Variants in TLL1 observed in about 807,000 individuals in gnomAD.
TLL1 encodes tolloid-like protein 1.
In TLL1, 49 loss-of-function variants were observed where a neutral mutation model predicts 128.2. The ratio of observed to expected loss-of-function variants is 0.38; its 90% CI spans 0.30 to 0.48. TLL1 has a LOEUF of 0.48. Among genes scored for constraint, TLL1 ranks in the 20% least tolerant of loss-of-function variants. The probability of loss-of-function intolerance (pLI) is 0.96; values close to 1 mark genes in which losing one functional copy is unlikely to be tolerated. For synonymous variants in TLL1, 454 were observed against 418.8 expected, an observed-to-expected ratio of 1.08 and a Z score of -1.03; for missense variants, 1,123 against 1,242.0, an observed-to-expected ratio of 0.90 and a Z score of 1.44.
intron 5 of TLL1, among the ~76,000 whole-genome samples, chr4:165,997,870 C>G (rs11939906): frequency 6.6e-6 from 1 of 152,126 alleles, no homozygotes; most frequent in African/African-American, 2.4e-5. Context: ...TATATGATCT[C>G]TTTGATTCAT....
chr4:165,895,933 CT>C (rs1041108420), intron 1 of TLL1, among the ~76,000 whole-genome samples: 2 of 151,924 alleles, frequency 1.3e-5, no homozygotes, highest in Admixed American at 6.6e-5. Flanking sequence ...AAAGTATAGT[CT>C]TTTTTTATTA....
intron 1 of TLL1, among the ~76,000 whole-genome samples, chr4:165,987,909 T>C (rs1354551322): frequency 6.6e-6 from 1 of 152,140 alleles, no homozygotes; most frequent in Non-Finnish European, 1.5e-5. Flanking sequence ...AGCATGGATT[T>C]TGTCACTTTC....
chr4:165,884,167 T>C (rs1452620570), intron 1 of TLL1, among the ~76,000 whole-genome samples: 1 of 152,254 alleles, frequency 6.6e-6, no homozygotes, highest in African/African-American at 2.4e-5. Flanking sequence ...CCTCACCTAG[T>C]ATAGTCTTCA....
intron 9 of TLL1, among the ~76,000 whole-genome samples, chr4:166,028,706 A>G (rs1738620813): frequency 6.6e-6 from 1 of 152,014 alleles, no homozygotes; most frequent in Non-Finnish European, 1.5e-5. Context: ...GTATTAAACT[A>G]TTATCACTGT....
intron 1 of TLL1, among the ~76,000 whole-genome samples, chr4:165,913,169 T>C (rs964682245): frequency 2.6e-5 from 4 of 152,324 alleles, no homozygotes; most frequent in African/African-American, 9.6e-5. Flanking sequence ...TAGTACATGA[T>C]AGTTTGTTAT....
In TLL1 at chr4:166,100,794, C is replaced by G; in HGVS notation, c.2960C>G (p.Thr987Ser). 1 of 1,613,084 alleles carries G rather than the reference C, an allele frequency of 6.2e-7. No individual in the cohort carries two copies. Among genetic ancestry groups the G allele is most frequent in the Non-Finnish European group, 8.5e-7 (1 of 1,179,354 alleles). ...GATTCAGTTTTAATTCATTTCCACA[C>G]TGATGACACAATCAACAAGAAGGGA... ...IGDSVLIHFH[T>S]DDTINKKGFH... is the part of the protein sequence containing the mutation. Residue 987 changes from threonine to serine, a missense_variant, in exon 21 of 21, where the codon ACT (threonine) becomes AGT (serine). By Grantham distance (58) the Thr-to-Ser change is moderately conservative. This residue lies in a region of TLL1 where 634 missense variants were observed against 672.4 expected (regional missense o/e 0.94). Coordinates refer to ENST00000061240, the MANE Select transcript of TLL1 (RefSeq NM_012464.5).
intron 1 of TLL1, among the ~76,000 whole-genome samples, chr4:165,965,690 G>A (rs1404778648): frequency 1.3e-5 from 2 of 152,148 alleles, no homozygotes; most frequent in East Asian, 1.9e-4. Flanking sequence ...TTCCAATAAC[G>A]TTCACATTGC....
intron 1 of TLL1, among the ~76,000 whole-genome samples, chr4:165,982,613 T>A (rs1439210876): frequency 6.6e-6 from 1 of 151,646 alleles, no homozygotes; most frequent in Non-Finnish European, 1.5e-5. Flanking sequence ...AAGGTTGTAG[T>A]ACAGTTTTTC....
chr4:165,971,932 GT>G (rs1486262621), intron 1 of TLL1, among the ~76,000 whole-genome samples: 2 of 152,058 alleles, frequency 1.3e-5, no homozygotes, highest in Non-Finnish European at 2.9e-5. Flanking sequence ...GTTTTTTGTT[GT>G]TTATTTACAG....
chr4:166,087,275 T>C (rs570161555), intron 18 of TLL1, among the ~76,000 whole-genome samples: 1 of 152,272 alleles, frequency 6.6e-6, no homozygotes, highest in African/African-American at 2.4e-5. Context: ...AGTTATAGCT[T>C]TATATATGGG....
At chr4:165,907,938 G>A (rs1314206983) in intron 1 of TLL1, among the ~76,000 whole-genome samples, 1 of 152,184 alleles carries the variant, frequency 6.6e-6, no homozygotes, top group Non-Finnish European at 1.5e-5. Context: ...TATTACAAAT[G>A]TTTCCAACAA....
At chr4:165,912,032 T>C (rs1732556896) in intron 1 of TLL1, among the ~76,000 whole-genome samples, 1 of 152,016 alleles carries the variant, frequency 6.6e-6, no homozygotes, top group Non-Finnish European at 1.5e-5. Flanking sequence ...CCCGCCACCA[T>C]GCCCGGCTAA....
intron 12 of TLL1, chr4:166,044,296 A>G: frequency 7.2e-7 from 1 of 1,380,252 alleles, no homozygotes; most frequent in Non-Finnish European, 9.9e-7. Context: ...AGTGGGTAGT[A>G]ATGAGCACTA....
intron 1 of TLL1, among the ~76,000 whole-genome samples, chr4:165,926,674 T>C (rs984069522): frequency 6.6e-6 from 1 of 152,152 alleles, no homozygotes; most frequent in African/African-American, 2.4e-5. Flanking sequence ...GTGCCAGGTA[T>C]CGTGTTTATT....
At chr4:166,076,148 T>C (rs1045112176) in intron 17 of TLL1, among the ~76,000 whole-genome samples, 2 of 152,068 alleles carry the variant, frequency 1.3e-5, no homozygotes, top group African/African-American at 4.8e-5. Context: ...TCTCAGCTGA[T>C]TGCAGCCTTG....
chr4:165,875,467 C>A (rs1730684117), intron 1 of TLL1, among the ~76,000 whole-genome samples: 1 of 151,940 alleles, frequency 6.6e-6, no homozygotes, highest in African/African-American at 2.4e-5. Context: ...TTAGCAGGAG[C>A]CTGTTAGGCT....
chr4:165,939,595 G>A (rs1289755663), intron 1 of TLL1, among the ~76,000 whole-genome samples: 2 of 151,972 alleles, frequency 1.3e-5, no homozygotes, highest in Non-Finnish European at 1.5e-5. Flanking sequence ...TCAAGCTATT[G>A]AAGCTTTCTA....
chr4:165,904,562 T>C (rs895268815), intron 1 of TLL1, among the ~76,000 whole-genome samples: 1 of 152,200 alleles, frequency 6.6e-6, no homozygotes, highest in African/African-American at 2.4e-5. Context: ...CCTTAGATAA[T>C]TCTATGATAA....
chr4:166,013,541 G>GT (rs1180573456), intron 7 of TLL1, among the ~76,000 whole-genome samples: 1 of 151,576 alleles, frequency 6.6e-6, no homozygotes, highest in Non-Finnish European at 1.5e-5. Context: ...TTATAGAAAG[G>GT]TTTTTTGTTG....
Sources: gnomAD v4.1 joint callset for allele counts (sites outside exome capture counted in the v4.1 genomes callset) on GRCh38, gnomAD v4.1.1 for gene constraint, gnomAD v4.1.1 regional missense constraint, MANE v1.5 for transcripts, NCBI Gene and HGNC (gene_info 2026-07-23, HGNC 2026-07-21) for gene names.